The following CC2D2B variants were observed in gnomAD, a reference collection of about 807,000 sequenced individuals.
CC2D2B encodes protein CC2D2B.
CC2D2B carries 128 observed loss-of-function variants against 161.2 expected under a neutral mutation model. The observed-to-expected ratio is 0.79, with a 90% CI of 0.69 to 0.92. CC2D2B has a LOEUF of 0.92. Ranked by LOEUF, CC2D2B falls within the 40% of genes least tolerant of loss-of-function variation. CC2D2B has a pLI of 0.00. For synonymous variants in CC2D2B, 391 were observed against 449.8 expected, an observed-to-expected ratio of 0.87 and a Z score of 1.65; for missense variants, 1,173 against 1,375.1, an observed-to-expected ratio of 0.85 and a Z score of 2.32.
intron 2 of CC2D2B, among the ~76,000 whole-genome samples, chr10:95,916,146 G>T (rs1440390060): frequency 6.6e-6 from 1 of 151,970 alleles, no homozygotes; most frequent in Non-Finnish European, 1.5e-5. Flanking sequence ...ATGTGTCTAG[G>T]AATTTATTCA....
chr10:95,956,792 G>A (rs1378756765), intron 11 of CC2D2B, among the ~76,000 whole-genome samples: 3 of 152,018 alleles, frequency 2.0e-5, no homozygotes, highest in East Asian at 1.9e-4. Flanking sequence ...ACTTTAAATT[G>A]CTTCTAGATT....
intron 16 of CC2D2B, 65 bp downstream of exon 16, chr10:95,972,281 C>G (rs1327060494): frequency 9.7e-7 from 1 of 1,027,162 alleles, no homozygotes; most frequent in African/African-American, 1.7e-5. Flanking sequence ...CCTAAGTGAC[C>G]CTGGCTCACT....
At chr10:95,957,553 ATTTTTTTTTT>A (rs869263327) in intron 11 of CC2D2B, among the ~76,000 whole-genome samples, 3 of 83,736 alleles carry the variant, frequency 3.6e-5, no homozygotes, top group African/African-American at 1.5e-4. Context: ...GCTGACAATG[ATTTTTTTTTT>A]TTTTTTTTTT....
chr10:95,961,178 T>C (rs895053072), intron 11 of CC2D2B, among the ~76,000 whole-genome samples: 1 of 152,170 alleles, frequency 6.6e-6, no homozygotes, highest in East Asian at 1.9e-4. Context: ...CCACTCCCTT[T>C]CTTTTATTGC....
At position 96,013,797 on chromosome 10, in the gene CC2D2B, G is replaced by A. The variant is rs146912146; in HGVS notation, c.3436G>A (p.Ala1146Thr). The A allele has an allele frequency of 6.3e-7, 1 of 1,598,382 alleles. No homozygotes were observed. The highest frequency in any genetic ancestry group is 1.3e-5 in the African/African-American group (1 of 74,198). ...HNSNATFDLIARFVSLIPFVP... is the reference protein window; with the variant it reads ...HNSNATFDLITRFVSLIPFVP... ...GTGAATATTATTCTAGGACCTCATT[G>A]CTCGATTTGTATCTTTGATTCCTTT... Residue 1146 changes from alanine to threonine, a missense_variant, in exon 29 of 35, where the codon GCT becomes ACT. Physicochemically the swap from Ala to Thr is moderately conservative, Grantham distance 58. Coordinates refer to ENST00000646931, the MANE Select transcript of CC2D2B (RefSeq NM_001349008.3).
intron 25 of CC2D2B, among the ~76,000 whole-genome samples, chr10:96,006,986 C>T (rs1207146632): frequency 6.6e-6 from 1 of 152,116 alleles, no homozygotes; most frequent in African/African-American, 2.4e-5. Context: ...CATTGCTTCT[C>T]AGAGAGGATG....
chr10:96,004,384 A>G, intron 25 of CC2D2B, 136 bp downstream of exon 25: 1 of 551,466 alleles, frequency 1.8e-6, no homozygotes, highest in South Asian at 3.3e-5. Context: ...GATTTGAGGC[A>G]ATTTGCAATA....
chr10:95,928,596 C>T (rs1028844864), intron 6 of CC2D2B, among the ~76,000 whole-genome samples: 2 of 152,088 alleles, frequency 1.3e-5, no homozygotes, highest in Non-Finnish European at 2.9e-5. Flanking sequence ...TGTGATGTTC[C>T]CTTCCCTGTG....
Position 95,957,327 on chromosome 10 carries a change from A to C in CC2D2B, c.1109+1836A>C, listed in dbSNP as rs189276884. ...TCTATCTCTGGATAAAGTGACTTCC[A>C]GAGGATTTAAAAGGCTGGTGCCCCT... On this transcript the variant is annotated intron_variant, in intron 11 of 34. Coordinates refer to ENST00000646931, the MANE Select transcript of CC2D2B (RefSeq NM_001349008.3). Among the ~76,000 whole-genome samples the C allele has an allele frequency of 9.3e-4, 142 of 152,254 alleles. 1 individual carries two copies. The highest frequency in any genetic ancestry group is 5.1e-4 in the Non-Finnish European group (35 of 68,010).
intron 16 of CC2D2B, among the ~76,000 whole-genome samples, chr10:95,973,442 C>T (rs1006603190): frequency 4.6e-5 from 7 of 152,122 alleles, no homozygotes; most frequent in Non-Finnish European, 8.8e-5. Flanking sequence ...GGTTAAGAAG[C>T]CTCCAGGCAT....
rs181995894 is a variant in CC2D2B at position 96,031,780 on chromosome 10, T to C, written c.4126-40T>C. 5.3e-6 allele frequency: 8 copies of C among 1,514,846 alleles called. No individual in the cohort carries two copies. In the African/African-American group the frequency reaches 1.1e-4, roughly 21 times the overall value. The allele number at this position is 1,514,846 out of a possible 1,614,324, so 93.8% of individuals were successfully genotyped here. Reference sequence around the variant, plus strand: ...CATACAGTAATTCCAGATTACCCAGTTGTAATGTGGGTTTATGTGCTGTTC... The same window carrying C: ...CATACAGTAATTCCAGATTACCCAGCTGTAATGTGGGTTTATGTGCTGTTC... On this transcript the variant is annotated intron_variant, in intron 34 of 34. Transcript: ENST00000646931.
chr10:96,011,203 C>T (rs778732138), intron 26 of CC2D2B, among the ~76,000 whole-genome samples: 25 of 152,132 alleles, frequency 1.6e-4, no homozygotes, highest in Admixed American at 2.6e-4. Flanking sequence ...CATGATGGCA[C>T]GTGTTGCAAA....
chr10:95,924,478 A>G, intron 4 of CC2D2B, 88 bp downstream of exon 4: 1 of 692,680 alleles, frequency 1.4e-6, no homozygotes, highest in Non-Finnish European at 2.4e-6. Flanking sequence ...AAAAGAGCCG[A>G]AATTCAGTGT....
At chr10:95,913,007 T>C (rs974645173) in intron 2 of CC2D2B, among the ~76,000 whole-genome samples, 2 of 152,138 alleles carry the variant, frequency 1.3e-5, no homozygotes, top group African/African-American at 4.8e-5. Context: ...TAAAATGTAC[T>C]ATAAATTATT....
At chr10:95,937,491 T>C (rs1023379559) in intron 6 of CC2D2B, among the ~76,000 whole-genome samples, 2 of 152,068 alleles carry the variant, frequency 1.3e-5, no homozygotes, top group African/African-American at 4.8e-5. Flanking sequence ...ATAATCACTC[T>C]ACTAGACTTC....
chr10:95,939,872 G>T (rs1209643763), intron 9 of CC2D2B, among the ~76,000 whole-genome samples: 2 of 152,050 alleles, frequency 1.3e-5, no homozygotes, highest in Non-Finnish European at 2.9e-5. Context: ...TTCTGGATGT[G>T]AGCCCTCATA....
Position 96,019,277 on chromosome 10 carries a change from TA to T in CC2D2B, c.3707del (p.Lys1236SerfsTer9). The T allele has an allele frequency of 6.2e-7, 1 of 1,613,530 alleles. No homozygotes were observed. Among genetic ancestry groups the T allele is most frequent in the East Asian group, 2.2e-5 (1 of 44,862 alleles). ...GGAATCCATCAACTGGCCAATGTTA[TA>T]AGCAGTTTGACCCGTTTTGTCCCTT... is the stretch of plus-strand genomic sequence containing the variant. ...LWNPSTGQCY[K>X]QFDPFCPLKS... On this transcript the variant is annotated frameshift_variant, in exon 31 of 35. Transcript: ENST00000646931. LOFTEE classifies it high-confidence loss of function.
intron 3 of CC2D2B, among the ~76,000 whole-genome samples, chr10:95,922,674 A>G (rs1359919528): frequency 1.3e-5 from 2 of 152,220 alleles, no homozygotes; most frequent in Non-Finnish European, 2.9e-5. Context: ...AGGCAAAGTG[A>G]TCAATAGGTC....
rs1290609141 is a variant in CC2D2B at position 95,922,084 on chromosome 10, A to G, written c.97+8A>G. On this transcript the variant is annotated splice_region_variant and intron_variant, in intron 3 of 34. Transcript: ENST00000646931. ...ACAAGCATCTCCAAAAAGGTTCTCA[A>G]TAAGTATACCATAACTCTGATACTC... 7.1e-7 allele frequency: 1 copy of G among 1,416,122 alleles called. No homozygotes were observed. Among genetic ancestry groups the G allele is most frequent in the South Asian group, 1.3e-5 (1 of 79,676 alleles). 87.7% of individuals were successfully genotyped at this position (1,416,122 alleles called of 1,614,324 possible).
Sources: gnomAD v4.1 joint callset for allele counts (sites outside exome capture counted in the v4.1 genomes callset) on GRCh38, gnomAD v4.1.1 for gene constraint, MANE v1.5 for transcripts, NCBI Gene and HGNC (gene_info 2026-07-23, HGNC 2026-07-21) for gene names.